The following CTNND2 variants were observed in gnomAD, a reference collection of about 807,000 sequenced individuals.
The protein encoded by CTNND2 is catenin delta-2.
A neutral mutation model predicts 144.4 loss-of-function variants in CTNND2; 22 were observed. The observed-to-expected ratio is 0.15, with a 90% CI of 0.11 to 0.22. CTNND2 has a LOEUF of 0.22. CTNND2 is among the 10% of genes least tolerant of loss of function. CTNND2 has a pLI of 1.00. For missense variants in CTNND2, 1,353 were observed against 1,618.8 expected, an observed-to-expected ratio of 0.84 and a Z score of 2.82; for synonymous variants, 751 against 695.6, an observed-to-expected ratio of 1.08 and a Z score of -1.25.
At chr5:11,259,384 A>G (rs27893) in intron 9 of CTNND2, among the ~76,000 whole-genome samples, 16,288 of 152,192 alleles carry the variant, frequency 0.11, 1,007 homozygotes, top group Admixed American at 0.17. Flanking sequence ...TGCTAGGTCA[A>G]TTGCCCCTGC....
chr5:11,689,332 G>A (rs1056558427), intron 2 of CTNND2, among the ~76,000 whole-genome samples: 3 of 152,196 alleles, frequency 2.0e-5, no homozygotes, highest in Non-Finnish European at 2.9e-5. Context: ...TATTAAAAAT[G>A]ATGAACTGTT....
chr5:11,397,194 A>C lies in CTNND2; in HGVS notation c.449T>G (p.Leu150Arg), dbSNP rs949970750. ...QDYSTGERPS[L>R]LSQSALQLNS... ...GAGCTGAAGTGCACTCTGGGAGAGC[A>C]GGCTGGGCCCTGCATTGAAAGTCAT... The change falls in exon 6 of 22, where the codon CTG (leucine) becomes CGG (arginine). Residue 150 changes from leucine to arginine, a missense_variant. This residue lies in a region of CTNND2 where 708 missense variants were observed against 706.4 expected (regional missense o/e 1.00). Coordinates refer to ENST00000304623, the MANE Select transcript of CTNND2 (RefSeq NM_001332.4). 5.0e-6 allele frequency: 8 copies of C among 1,614,096 alleles called. No individual in the cohort carries two copies. In the East Asian group the frequency reaches 1.8e-4, roughly 36 times the overall value.
chr5:11,146,617 T>C (rs1757268563), intron 12 of CTNND2, among the ~76,000 whole-genome samples: 1 of 152,254 alleles, frequency 6.6e-6, no homozygotes, highest in Non-Finnish European at 1.5e-5. Flanking sequence ...TGATATTATT[T>C]ATTGATTTCT....
intron 9 of CTNND2, among the ~76,000 whole-genome samples, chr5:11,338,585 T>C (rs908525713): frequency 6.6e-6 from 1 of 152,248 alleles, no homozygotes; most frequent in African/African-American, 2.4e-5. Flanking sequence ...GGTAGGACTA[T>C]GCATCAGGCA....
In CTNND2 at chr5:11,321,305, T is replaced by C. The variant is rs142759984; in HGVS notation, c.1628+25067A>G. On this transcript the variant is annotated intron_variant, in intron 9 of 21. Coordinates refer to ENST00000304623, the MANE Select transcript of CTNND2 (RefSeq NM_001332.4). ...GCAGATATTGTGTTGATAATAAGATTATTACGTCAAATCAACATTATACTG... is the reference window on the plus strand; with the variant it reads ...GCAGATATTGTGTTGATAATAAGATCATTACGTCAAATCAACATTATACTG... 4.4e-3 allele frequency among the ~76,000 whole-genome samples: 675 copies of C among 152,330 alleles called. 3 individuals are homozygous for C. The highest frequency in any genetic ancestry group is 0.016 in the African/African-American group (652 of 41,576).
At chr5:11,675,611 G>T (rs1000910773) in intron 2 of CTNND2, among the ~76,000 whole-genome samples, 1 of 151,876 alleles carries the variant, frequency 6.6e-6, no homozygotes, top group African/African-American at 2.4e-5. Flanking sequence ...AAAAATCACA[G>T]AGGACCCAGA....
At chr5:11,203,529 G>A (rs550950105) in intron 10 of CTNND2, among the ~76,000 whole-genome samples, 4 of 152,096 alleles carry the variant, frequency 2.6e-5, no homozygotes, top group Non-Finnish European at 4.4e-5. Context: ...TGCAACCTCC[G>A]CCTCCAGGGT....
intron 10 of CTNND2, among the ~76,000 whole-genome samples, chr5:11,203,848 G>A (rs904106188): frequency 3.3e-5 from 5 of 152,262 alleles, no homozygotes; most frequent in East Asian, 3.9e-4. Flanking sequence ...AATTACATAC[G>A]GGGAAATGAT....
At chr5:11,345,765 T>C (rs1401296987) in intron 9 of CTNND2, among the ~76,000 whole-genome samples, 1 of 149,778 alleles carries the variant, frequency 6.7e-6, no homozygotes, top group Admixed American at 6.7e-5. Context: ...TTGCCACTGA[T>C]GGAAAAAAGA....
intron 9 of CTNND2, among the ~76,000 whole-genome samples, chr5:11,298,894 T>G (rs115553197): frequency 1.3e-4 from 20 of 152,320 alleles, no homozygotes; most frequent in African/African-American, 4.6e-4. Context: ...ATTAAAATGA[T>G]TTATACTTGG....
At chr5:11,876,898 C>A (rs944471016) in intron 1 of CTNND2, among the ~76,000 whole-genome samples, 5 of 152,166 alleles carry the variant, frequency 3.3e-5, no homozygotes, top group Admixed American at 6.5e-5. Context: ...AGCAAACTTG[C>A]TGAATTCCCT....
At chr5:11,522,911 C>A (rs372902245) in intron 3 of CTNND2, among the ~76,000 whole-genome samples, 2 of 152,150 alleles carry the variant, frequency 1.3e-5, no homozygotes, top group Non-Finnish European at 2.9e-5. Context: ...AGCACCCATG[C>A]GTTTGAATTA....
intron 11 of CTNND2, among the ~76,000 whole-genome samples, chr5:11,167,204 GA>G (rs1759423726): frequency 6.6e-6 from 1 of 152,176 alleles, no homozygotes; most frequent in South Asian, 2.1e-4. Flanking sequence ...CGTGGGAGGT[GA>G]AGAGAGAGAA....
At chr5:11,452,058 A>G (rs1765358193) in intron 3 of CTNND2, among the ~76,000 whole-genome samples, 1 of 152,238 alleles carries the variant, frequency 6.6e-6, no homozygotes, top group South Asian at 2.1e-4. Flanking sequence ...AACATGCTTC[A>G]GGAAGAAACT....
chr5:11,234,074 G>A (rs1741350456), intron 10 of CTNND2, among the ~76,000 whole-genome samples: 1 of 152,106 alleles, frequency 6.6e-6, no homozygotes, highest in East Asian at 1.9e-4. Flanking sequence ...GCCAGCTGCT[G>A]GGGGCCACCC....
intron 14 of CTNND2, among the ~76,000 whole-genome samples, chr5:11,107,800 G>A (rs1226350288): frequency 6.6e-6 from 1 of 152,188 alleles, no homozygotes; most frequent in Non-Finnish European, 1.5e-5. Flanking sequence ...TGCGGAAGAC[G>A]CTTGGCTCAC....
intron 1 of CTNND2, among the ~76,000 whole-genome samples, chr5:11,893,415 T>C (rs1737145320): frequency 6.6e-6 from 1 of 152,238 alleles, no homozygotes; most frequent in Non-Finnish European, 1.5e-5. Context: ...AACTACTAGT[T>C]ATAACTTCTT....
At chr5:11,206,414 C>T (rs1387975242) in intron 10 of CTNND2, among the ~76,000 whole-genome samples, 1 of 152,110 alleles carries the variant, frequency 6.6e-6, no homozygotes, top group African/African-American at 2.4e-5. Flanking sequence ...ATTAAGTGCA[C>T]CCAAGAAAGG....
At chr5:11,630,602 T>G (rs1432870065) in intron 2 of CTNND2, among the ~76,000 whole-genome samples, 1 of 152,198 alleles carries the variant, frequency 6.6e-6, no homozygotes, top group African/African-American at 2.4e-5. Context: ...GGATAAGTTT[T>G]TCCTTTTTCC....
Sources: gnomAD v4.1 joint callset for allele counts (sites outside exome capture counted in the v4.1 genomes callset) on GRCh38, gnomAD v4.1.1 for gene constraint, gnomAD v4.1.1 regional missense constraint, MANE v1.5 for transcripts, NCBI Gene and HGNC (gene_info 2026-07-23, HGNC 2026-07-21) for gene names.